Variants in CPXM2 observed in about 807,000 individuals in gnomAD.
CPXM2 encodes the protein inactive carboxypeptidase-like protein X2.
In CPXM2, 66 loss-of-function variants were observed where a neutral mutation model predicts 86.1. The ratio of observed to expected loss-of-function variants is 0.77; its 90% CI spans 0.63 to 0.94. The LOEUF (loss-of-function observed/expected upper bound fraction) is 0.94. Ranked by LOEUF, CPXM2 falls within the 40% of genes least tolerant of loss-of-function variation. The probability of loss-of-function intolerance (pLI) is 0.00; values close to 1 mark genes in which losing one functional copy is unlikely to be tolerated. For synonymous variants in CPXM2, 388 were observed against 400.2 expected (o/e 0.97, Z 0.36); for missense variants, 948 against 1,026.3 (o/e 0.92, Z 1.04).
intron 4 of CPXM2, among the ~76,000 whole-genome samples, chr10:123,821,482 T>C (rs1847923472): frequency 6.6e-6 from 1 of 152,238 alleles, no homozygotes; most frequent in Non-Finnish European, 1.5e-5. Flanking sequence ...ACTCTTCTGA[T>C]TCCAGCCCAA....
At chr10:123,895,292 T>A (rs996301879), upstream of CPXM2, among the ~76,000 whole-genome samples, 1 of 151,814 alleles carries the variant, frequency 6.6e-6, no homozygotes, top group Non-Finnish European at 1.5e-5. Context: ...CCCAGCTAAT[T>A]TTTATATTTT....
intron 4 of CPXM2, among the ~76,000 whole-genome samples, chr10:123,825,053 C>T (rs112081277): frequency 2.4e-4 from 36 of 152,256 alleles, no homozygotes; most frequent in East Asian, 5.8e-4. Context: ...CCGGAAATTC[C>T]GAAAAGACCA....
At chr10:123,772,760 T>C (rs112494851) in intron 7 of CPXM2, among the ~76,000 whole-genome samples, 13 of 151,534 alleles carry the variant, frequency 8.6e-5, no homozygotes, top group African/African-American at 2.7e-4. Flanking sequence ...ACCTCCCTCA[T>C]TGTGGTTATC....
intron 2 of CPXM2, among the ~76,000 whole-genome samples, chr10:123,915,009 T>C (rs1253980534): frequency 2.0e-5 from 3 of 152,202 alleles, no homozygotes; most frequent in African/African-American, 7.2e-5. Flanking sequence ...GCAAAGTCCT[T>C]ACCAAGAGGT....
intron 3 of CPXM2, among the ~76,000 whole-genome samples, chr10:123,845,197 G>A (rs568854782): frequency 6.6e-6 from 1 of 152,156 alleles, no homozygotes; most frequent in Admixed American, 6.5e-5. Flanking sequence ...GCACAGAGGA[G>A]GCAGGGGTGC....
intron 4 of CPXM2, among the ~76,000 whole-genome samples, chr10:123,841,126 G>T (rs1848377213): frequency 6.6e-6 from 1 of 152,144 alleles, no homozygotes; most frequent in African/African-American, 2.4e-5. Flanking sequence ...AATGTCGGCA[G>T]ATGTTAGAAG....
intron 11 of CPXM2, among the ~76,000 whole-genome samples, chr10:123,759,069 GATGAA>G (rs1846277717): frequency 6.6e-6 from 1 of 152,156 alleles, no homozygotes. Context: ...TCAAGCCTGT[GATGAA>G]ACACAGTGAG....
intron 3 of CPXM2, among the ~76,000 whole-genome samples, chr10:123,858,643 C>T (rs939202364): frequency 1.3e-5 from 2 of 152,188 alleles, no homozygotes; most frequent in African/African-American, 4.8e-5. Flanking sequence ...ACAGTACTGT[C>T]TTCCATGTTG....
chr10:123,918,585 G>T (rs1945553931), intron 2 of CPXM2, among the ~76,000 whole-genome samples: 1 of 152,184 alleles, frequency 6.6e-6, no homozygotes, highest in East Asian at 1.9e-4. Flanking sequence ...AGTTCCAAGA[G>T]AAATCCTCCC....
At chr10:123,932,263 C>T (rs1484608237) in intron 2 of CPXM2, among the ~76,000 whole-genome samples, 1 of 152,146 alleles carries the variant, frequency 6.6e-6, no homozygotes, top group African/African-American at 2.4e-5. Context: ...GCTCTGGTGC[C>T]TGTCTCTAGA....
intron 3 of CPXM2, among the ~76,000 whole-genome samples, chr10:123,843,872 A>G (rs1327452859): frequency 3.9e-5 from 6 of 152,176 alleles, no homozygotes; most frequent in African/African-American, 1.2e-4. Context: ...TACCCTATAG[A>G]ATCATGGAAA....
At chr10:123,857,034 G>C (rs996225129) in intron 3 of CPXM2, among the ~76,000 whole-genome samples, 2 of 152,204 alleles carry the variant, frequency 1.3e-5, no homozygotes, top group African/African-American at 4.8e-5. Context: ...AAGTGAGTTA[G>C]TATAAAGGGG....
chr10:123,875,586 C>G (rs1342485851), intron 2 of CPXM2, among the ~76,000 whole-genome samples: 1 of 152,156 alleles, frequency 6.6e-6, no homozygotes, highest in African/African-American at 2.4e-5. Flanking sequence ...GAATGAAAAA[C>G]CAAACTGTCT....
At chr10:123,751,597 G>A in intron 13 of CPXM2, 1 of 985,266 alleles carries the variant, frequency 1.0e-6, no homozygotes, top group Non-Finnish European at 1.2e-6. Context: ...CGGTGAGCCG[G>A]GTGTCTGTCC....
intron 3 of CPXM2, among the ~76,000 whole-genome samples, chr10:123,843,063 G>A (rs1848419026): frequency 6.6e-6 from 1 of 151,858 alleles, no homozygotes; most frequent in Non-Finnish European, 1.5e-5. Context: ...ACATTTGTTT[G>A]TTAGTGTTTA....
intron 3 of CPXM2, chr10:123,843,265 G>C (rs1269665997): frequency 6.6e-6 from 3 of 455,104 alleles, no homozygotes; most frequent in African/African-American, 6.0e-5. Context: ...AAATTCTTTT[G>C]ATCTGAATTT....
chr10:123,931,103 C>T (rs76709967), intron 2 of CPXM2, among the ~76,000 whole-genome samples: 1,754 of 152,238 alleles, frequency 0.012, 37 homozygotes, highest in African/African-American at 0.039. Flanking sequence ...CTAGAAAACT[C>T]AGGGAAGGGA....
intron 3 of CPXM2, among the ~76,000 whole-genome samples, chr10:123,848,310 T>G (rs960321488): frequency 6.6e-6 from 1 of 152,234 alleles, no homozygotes; most frequent in Non-Finnish European, 1.5e-5. Context: ...CTGATCCTTC[T>G]GCAAATTGGC....
intron 7 of CPXM2, 60 bp from the exon 8 acceptor site, chr10:123,771,099 A>C: frequency 6.5e-7 from 1 of 1,547,632 alleles, no homozygotes; most frequent in Non-Finnish European, 8.8e-7. Context: ...AAAAGGACAG[A>C]GCTCCCAAGA....
Sources: gnomAD v4.1 joint callset for allele counts (sites outside exome capture counted in the v4.1 genomes callset) on GRCh38, gnomAD v4.1.1 for gene constraint, MANE v1.5 for transcripts, NCBI Gene and HGNC (gene_info 2026-07-23, HGNC 2026-07-21) for gene names.